KCNA3: variants seen among roughly 807,000 people sequenced by gnomAD.
KCNA3 encodes potassium voltage-gated channel subfamily A member 3, also known as RP11-284N8.3.
A neutral mutation model predicts 34.3 loss-of-function variants in KCNA3; 18 were observed. The observed-to-expected ratio is 0.52, with a 90% CI of 0.36 to 0.78. The LOEUF (loss-of-function observed/expected upper bound fraction) is 0.78, where lower values mean the gene tolerates loss of function less well. KCNA3 is among the 30% of genes least tolerant of loss of function. The pLI, the probability that KCNA3 is intolerant of heterozygous loss-of-function variation, is 0.00. For synonymous variants in KCNA3, 324 were observed against 351.7 expected, an observed-to-expected ratio of 0.92 and a Z score of 0.88; for missense variants, 587 against 802.5, an observed-to-expected ratio of 0.73 and a Z score of 3.24.
chr1:110,656,702 C>T, the KCNA3 span: 1 of 152,202 alleles, frequency 6.6e-6, no homozygotes, highest in East Asian at 1.9e-4. Flanking sequence ...TCACTCCAAC[C>T]TTTTCCCACC....
At chr1:110,662,112 C>CAAAAAAAAAAA in the KCNA3 span, among the ~76,000 whole-genome samples, 1 of 61,714 alleles carries the variant, frequency 1.6e-5, no homozygotes, top group African/African-American at 7.8e-5. Flanking sequence ...GACTCCGTCT[C>CAAAAAAAAAAA]AAAAAAAAAA....
chr1:110,657,200 C>A, the KCNA3 span, among the ~76,000 whole-genome samples: 1 of 152,046 alleles, frequency 6.6e-6, no homozygotes, highest in Admixed American at 6.6e-5. Context: ...GCATGTATCA[C>A]CATGCCCAGC....
Position 110,674,069 on chromosome 1 carries a change from GGAGAT to G in KCNA3, c.736_740del (p.Ile246HisfsTer72). On this transcript the variant is annotated frameshift_variant, in exon 1 of 1. Transcript: ENST00000369769. LOFTEE classifies it high-confidence loss of function. This position sits in a 1 kb window ranked among gnomAD's most constrained non-coding sequence, Gnocchi z 6.4. ...GCGTCTCCAGGCAGAAGATGACAAT[GGAGAT>G]GAGGATGACCAGCACGGACACGATG... 1 of 1,608,764 alleles carries G rather than the reference GGAGAT, an allele frequency of 6.2e-7. No individual in the cohort carries two copies. Among genetic ancestry groups the G allele is most frequent in the Non-Finnish European group, 8.5e-7 (1 of 1,177,228 alleles).
the KCNA3 span, among the ~76,000 whole-genome samples, chr1:110,662,136 ATT>A: frequency 1.3e-3 from 140 of 108,320 alleles, no homozygotes; most frequent in East Asian, 1.8e-3. Context: ...AAAAAAAAAA[ATT>A]CAGAATGTCT....
At chr1:110,668,583 T>C (rs1447435107), downstream of KCNA3, among the ~76,000 whole-genome samples, 2 of 152,194 alleles carry the variant, frequency 1.3e-5, no homozygotes, top group Non-Finnish European at 2.9e-5. Context: ...TATTTCAAAG[T>C]TTAGAAATAA....
Position 110,673,208 on chromosome 1 carries a change from C to T in KCNA3, c.1602G>A (p.Glu534=), listed in dbSNP as rs1651952093. Residue 534 remains glutamate, a synonymous_variant, in exon 1 of 1, where the codon GAG becomes GAA. Coordinates refer to ENST00000369769, the MANE Select transcript of KCNA3 (RefSeq NM_002232.5). The surrounding 1 kb of genome is among the most constrained non-coding windows in gnomAD (Gnocchi z 8.8). The stretch of plus-strand genomic sequence containing the variant: ...GGAAAGCGCTATGGTTCATACCCCC[C>T]TCTTCGATCACCATATACTCCGACT... ...LSKSEYMVIE[E]GGMNHSAFPQ... The T allele has an allele frequency of 6.2e-7, 1 of 1,614,176 alleles. No homozygotes were observed. The highest frequency in any genetic ancestry group is 8.5e-7 in the Non-Finnish European group (1 of 1,180,030).
At chr1:110,661,082 T>C in the KCNA3 span, among the ~76,000 whole-genome samples, 2 of 152,226 alleles carry the variant, frequency 1.3e-5, no homozygotes, top group Admixed American at 6.5e-5. Context: ...CCAGATGCTA[T>C]AAACCCAGCT....
chr1:110,674,578 A>T lies in KCNA3; in HGVS notation c.232T>A (p.Cys78Ser). The T allele has an allele frequency of 1.3e-6, 2 of 1,572,380 alleles. No homozygotes were observed. Among genetic ancestry groups the T allele is most frequent in the Non-Finnish European group, 8.6e-7 (1 of 1,161,948 alleles). ...TAGCGGTCGCAGCCGCCGCCGCCAC[A>T]GCCGCCTTGAGGCGGGGCCCCTCCA... ...DGGGAPPQGG[C>S]GGGGCDRYEP... The change falls in exon 1 of 1, where the codon TGT (cysteine) becomes AGT (serine). Residue 78 changes from cysteine to serine, a missense_variant. By Grantham distance (112) the Cys-to-Ser change is moderately radical. Around this residue, in one of 7 missense-constraint regions of KCNA3, gnomAD observed 341 missense variants for 355.4 expected, o/e 0.96. Coordinates refer to ENST00000369769, the MANE Select transcript of KCNA3 (RefSeq NM_002232.5). This position sits in a 1 kb window ranked among gnomAD's most constrained non-coding sequence, Gnocchi z 6.4.
In KCNA3 at chr1:110,674,855, C is replaced by G; in HGVS notation, c.-46G>C. On this transcript the variant is annotated 5_prime_UTR_variant, in exon 1 of 1. Coordinates refer to ENST00000369769, the MANE Select transcript of KCNA3 (RefSeq NM_002232.5). The surrounding 1 kb of genome is among the most constrained non-coding windows in gnomAD (Gnocchi z 6.4). ...GCGGTGAGGCCAGGTCGCTCCTCCTCGCGCTCCCCGCCCTTTCGCCGCCTC... is the reference window on the plus strand; with the variant it reads ...GCGGTGAGGCCAGGTCGCTCCTCCTGGCGCTCCCCGCCCTTTCGCCGCCTC... 7.8e-7 allele frequency: 1 copy of G among 1,281,542 alleles called. No homozygotes were observed. Among genetic ancestry groups the G allele is most frequent in the Non-Finnish European group, 9.8e-7 (1 of 1,017,426 alleles). 79.4% of individuals were successfully genotyped at this position (1,281,542 alleles called of 1,614,324 possible).
chr1:110,660,568 G>A, the KCNA3 span, among the ~76,000 whole-genome samples: 1 of 152,112 alleles, frequency 6.6e-6, no homozygotes, highest in African/African-American at 2.4e-5. Context: ...CATGTTCTAT[G>A]TGCTAATAGG....
At chr1:110,663,058 T>C in the KCNA3 span, among the ~76,000 whole-genome samples, 1 of 152,212 alleles carries the variant, frequency 6.6e-6, no homozygotes, top group Non-Finnish European at 1.5e-5. Context: ...CATGACTATC[T>C]GATATTTTAT....
At chr1:110,654,677 GCAA>G in the KCNA3 span, 3 of 152,112 alleles carry the variant, frequency 2.0e-5, no homozygotes, top group African/African-American at 7.2e-5. Flanking sequence ...GACAAGAACA[GCAA>G]CAATGTCTTT....
the KCNA3 span, among the ~76,000 whole-genome samples, chr1:110,661,413 AAAAG>A: frequency 6.6e-6 from 1 of 152,192 alleles, no homozygotes; most frequent in Non-Finnish European, 1.5e-5. Context: ...ATTTTAGGCA[AAAAG>A]AAAGAGTACG....
At position 110,673,475 on chromosome 1, in the gene KCNA3, C is replaced by A. The variant is rs1394596598; in HGVS notation, c.1335G>T (p.Val445=). The A allele has an allele frequency of 6.2e-7, 1 of 1,614,166 alleles. No individual in the cohort carries two copies. Among genetic ancestry groups the A allele is most frequent in the East Asian group, 2.2e-5 (1 of 44,886 alleles). The change falls in exon 1 of 1, where the codon GTG becomes GTT. Residue 445 remains valine, a synonymous_variant. Transcript: ENST00000369769. This position sits in a 1 kb window ranked among gnomAD's most constrained non-coding sequence, Gnocchi z 8.8. ...FWWAVVTMTT[V]GYGDMHPVTI... ...TCACTGGGTGCATATCGCCGTAACC[C>A]ACTGTTGTCATGGTTACCACTGCCC...
chr1:110,674,878 C>T lies in KCNA3; in HGVS notation c.-69G>A, dbSNP rs1652036038. On this transcript the variant is annotated 5_prime_UTR_variant, in exon 1 of 1. Transcript: ENST00000369769. The surrounding 1 kb of genome is among the most constrained non-coding windows in gnomAD (Gnocchi z 6.4). ...CTCGCGCTCCCCGCCCTTTCGCCGC[C>T]TCCGCCCCCGAGCCGAGCCCACCGC... 1.6e-6 allele frequency: 2 copies of T among 1,272,418 alleles called. No individual in the cohort carries two copies. Among genetic ancestry groups the T allele is most frequent in the African/African-American group, 3.1e-5 (2 of 64,428 alleles). The allele number at this position is 1,272,418 out of a possible 1,614,324, so 78.8% of individuals were successfully genotyped here.
chr1:110,658,007 T>C, the KCNA3 span, among the ~76,000 whole-genome samples: 1 of 152,224 alleles, frequency 6.6e-6, no homozygotes, highest in African/African-American at 2.4e-5. Context: ...TCATCTTGAC[T>C]AAAAGTTCAC....
At chr1:110,669,300 G>C (rs1013322027), downstream of KCNA3, among the ~76,000 whole-genome samples, 2 of 152,098 alleles carry the variant, frequency 1.3e-5, no homozygotes, top group Non-Finnish European at 2.9e-5. Context: ...GAAAAATCTT[G>C]AAACTGAAAA....
chr1:110,674,677 C>T lies in KCNA3; in HGVS notation c.133G>A (p.Ala45Thr). The change falls in exon 1 of 1, where the codon GCA becomes ACA. Residue 45 changes from alanine (A) to threonine (T), a missense_variant. Ala to Thr is a moderately conservative substitution (Grantham distance 58). Around this residue, in one of 7 missense-constraint regions of KCNA3, gnomAD observed 341 missense variants for 355.4 expected, o/e 0.96. Transcript: ENST00000369769. The surrounding 1 kb of genome is among the most constrained non-coding windows in gnomAD (Gnocchi z 6.4). ...ATGTCGGGCGGCAGCTCGCGGCCTG[C>T]GGCGGGCTCCGCGTAGCCGTGGTTC... ...LVNHGYAEPA[A>T]GRELPPDMTV... The T allele has an allele frequency of 1.3e-6, 2 of 1,504,708 alleles. No individual in the cohort carries two copies. The highest frequency in any genetic ancestry group is 1.3e-5 in the South Asian group (1 of 78,266). The allele number at this position is 1,504,708 out of a possible 1,614,324, so 93.2% of individuals were successfully genotyped here.
the KCNA3 span, among the ~76,000 whole-genome samples, chr1:110,662,578 G>A: frequency 6.6e-6 from 1 of 152,160 alleles, no homozygotes; most frequent in African/African-American, 2.4e-5. Context: ...AAATGGTAAT[G>A]AATAAGCTCA....
Sources: gnomAD v4.1 joint callset for allele counts (sites outside exome capture counted in the v4.1 genomes callset) on GRCh38, gnomAD v4.1.1 for gene constraint, gnomAD v4.1.1 regional missense constraint, Gnocchi (gnomAD v3.1) non-coding constraint, MANE v1.5 for transcripts, NCBI Gene and HGNC (gene_info 2026-07-23, HGNC 2026-07-21) for gene names.